Variants in ZNF257 observed in about 807,000 individuals in gnomAD.
ZNF257 encodes bone marrow zinc finger 4.
A neutral mutation model predicts 11.9 loss-of-function variants in ZNF257; 12 were observed. That is an observed-to-expected ratio of 1.01 (90% CI 0.65 to 1.63). The LOEUF (loss-of-function observed/expected upper bound fraction) is 1.63, where lower values mean the gene tolerates loss of function less well. ZNF257 is among the 40% of genes most tolerant of loss of function. The probability of loss-of-function intolerance (pLI) is 0.00; values close to 1 mark genes in which losing one functional copy is unlikely to be tolerated. For synonymous variants in ZNF257, 183 were observed against 222.7 expected (o/e 0.82, Z 1.59); for missense variants, 580 against 665.5 (o/e 0.87, Z 1.41).
At chr19:22,086,406 TG>T (rs2022477014) in intron 3 of ZNF257, among the ~76,000 whole-genome samples, 1 of 152,132 alleles carries the variant, frequency 6.6e-6, no homozygotes, top group East Asian at 1.9e-4. Flanking sequence ...CAATAATTTC[TG>T]TTCTTTTATT....
Position 22,089,532 on chromosome 19 carries a change from A to C in ZNF257, c.*90A>C, listed in dbSNP as rs758709951. 1.3e-6 allele frequency: 2 copies of C among 1,504,568 alleles called. No individual in the cohort carries two copies. The highest frequency in any genetic ancestry group is 1.8e-6 in the Non-Finnish European group (2 of 1,131,592). The allele number at this position is 1,504,568 out of a possible 1,614,324, so 93.2% of individuals were successfully genotyped here. A position where few individuals can be genotyped will look rare whatever the true frequency, so the allele number is the denominator to read the frequency against. Reference sequence around the variant, plus strand: ...AAACATAAGGGAATTCATAATAGAGAAACCCTACAAATGTGAAGAACGTGG... The same window carrying C: ...AAACATAAGGGAATTCATAATAGAGCAACCCTACAAATGTGAAGAACGTGG... On this transcript the variant is annotated 3_prime_UTR_variant, in exon 4 of 4. Transcript: ENST00000594947.
intron 3 of ZNF257, chr19:22,075,619 C>G (rs2022208254): frequency 6.6e-6 from 1 of 152,172 alleles, no homozygotes; most frequent in Non-Finnish European, 1.5e-5. Context: ...GTCCTGTAGC[C>G]AAGACCAGGG....
chr19:22,074,860 T>C (rs927639670), intron 3 of ZNF257, among the ~76,000 whole-genome samples: 1 of 152,004 alleles, frequency 6.6e-6, no homozygotes, highest in Non-Finnish European at 1.5e-5. Flanking sequence ...TTTTTACTTA[T>C]TTGTCTTCAG....
At chr19:22,084,140 C>CA (rs373804336) in intron 3 of ZNF257, among the ~76,000 whole-genome samples, 31,218 of 121,636 alleles carry the variant, frequency 0.26, 4,613 homozygotes, top group African/African-American at 0.47. Flanking sequence ...GACTTCATCT[C>CA]AAAAAAAAAA....
chr19:22,088,002 C>T lies in ZNF257; in HGVS notation c.252C>T (p.Asp84=). 6.5e-7 allele frequency: 1 copy of T among 1,531,244 alleles called. No individual in the cohort carries two copies. Among genetic ancestry groups the T allele is most frequent in the Non-Finnish European group, 8.8e-7 (1 of 1,137,588 alleles). The allele number at this position is 1,531,244 out of a possible 1,614,324, so 94.9% of individuals were successfully genotyped here. ...PPVMCSHIAE[D]LCPERDIKYF... ...TTATGTGTTCTCATATTGCTGAAGA[C>T]CTTTGCCCAGAGCGAGACATAAAAT... is the stretch of plus-strand genomic sequence containing the variant. Residue 84 remains aspartate (D), a synonymous_variant, in exon 4 of 4, where the codon GAC becomes GAT. Coordinates refer to ENST00000594947, the MANE Select transcript of ZNF257 (RefSeq NM_033468.4).
At chr19:22,086,153 T>C (rs1182174891) in intron 3 of ZNF257, among the ~76,000 whole-genome samples, 1 of 152,114 alleles carries the variant, frequency 6.6e-6, no homozygotes, top group African/African-American at 2.4e-5. Context: ...CCATTGTGTC[T>C]GTTTCATTTT....
At chr19:22,053,312 G>T (rs1356923041) in intron 1 of ZNF257, among the ~76,000 whole-genome samples, 1 of 137,046 alleles carries the variant, frequency 7.3e-6, no homozygotes, top group South Asian at 2.3e-4. Context: ...AGGTTGCAGT[G>T]AGCCGAGATG....
Position 22,088,357 on chromosome 19 carries a change from T to C in ZNF257, c.607T>C (p.Cys203Arg), listed in dbSNP as rs777156823. ...RIHIRENSHK[C>R]EECGKAFNQS... ...TCATATTAGAGAGAATTCCCACAAA[T>C]GTGAAGAATGTGGCAAAGCCTTTAA... Residue 203 changes from cysteine (C) to arginine (R), a missense_variant, in exon 4 of 4, where the codon TGT (cysteine) becomes CGT (arginine). By Grantham distance (180) the Cys-to-Arg change is radical. Transcript: ENST00000594947. 2 of 1,613,736 alleles carry C rather than the reference T, an allele frequency of 1.2e-6. No individual in the cohort carries two copies. The highest frequency in any genetic ancestry group is 2.2e-5 in the East Asian group (1 of 44,878).
At chr19:22,081,035 T>C (rs999343388) in intron 3 of ZNF257, among the ~76,000 whole-genome samples, 1 of 151,716 alleles carries the variant, frequency 6.6e-6, no homozygotes, top group Non-Finnish European at 1.5e-5. Context: ...CGTGCCACCA[T>C]GCTCGGCTAA....
Position 22,073,484 on chromosome 19 carries a change from A to C in ZNF257, c.146A>C (p.Lys49Thr). 1 of 1,611,528 alleles carries C rather than the reference A, an allele frequency of 6.2e-7. No homozygotes were observed. ...TAAAAAACAGGTATTGCTGTCTCTA[A>C]GCCAGACCTGATCACCTGTCTGGAG... The part of the protein sequence containing the change: ...NLVFLGIAVS[K>T]PDLITCLEQG... Residue 49 changes from lysine (K) to threonine (T), a missense_variant, in exon 3 of 4, where the codon AAG (lysine) becomes ACG (threonine). Lys to Thr is a moderately conservative substitution (Grantham distance 78). Coordinates refer to ENST00000594947, the MANE Select transcript of ZNF257 (RefSeq NM_033468.4).
rs780971566 is a variant in ZNF257 at position 22,089,327 on chromosome 19, G to A, written c.1577G>A (p.Arg526His). Residue 526 changes from arginine to histidine, a missense_variant, in exon 4 of 4, where the codon CGT becomes CAT. By Grantham distance (29) the Arg-to-His change is conservative (BLOSUM62 0). Coordinates refer to ENST00000594947, the MANE Select transcript of ZNF257 (RefSeq NM_033468.4). ...KCEECGKPFN[R>H]FSYLTVHKRI... ...GAAGAATGTGGCAAGCCTTTTAATC[G>A]TTTCTCATACCTTACCGTACATAAG... 32 of 1,612,700 alleles carry A rather than the reference G, an allele frequency of 2.0e-5. No homozygotes were observed. The highest frequency in any genetic ancestry group is 1.6e-4 in the Middle Eastern group (1 of 6,074).
chr19:22,058,168 G>T (rs1053103322), intron 1 of ZNF257, among the ~76,000 whole-genome samples: 1 of 152,128 alleles, frequency 6.6e-6, no homozygotes, highest in African/African-American at 2.4e-5. Flanking sequence ...AATGGAAAGG[G>T]TGTTTCTTTC....
intron 1 of ZNF257, among the ~76,000 whole-genome samples, chr19:22,062,503 A>G (rs577110344): frequency 7.0e-6 from 1 of 143,672 alleles, no homozygotes; most frequent in East Asian, 2.2e-4. Context: ...TTTTTTTGAG[A>G]CAGAGTTTCC....
At chr19:22,062,396 T>A (rs2021827329) in intron 1 of ZNF257, among the ~76,000 whole-genome samples, 1 of 151,798 alleles carries the variant, frequency 6.6e-6, no homozygotes, top group Non-Finnish European at 1.5e-5. Flanking sequence ...AGTGCTGGGA[T>A]TACAGGTGTG....
intron 1 of ZNF257, among the ~76,000 whole-genome samples, chr19:22,058,963 A>G (rs1214751968): frequency 1.3e-5 from 2 of 152,014 alleles, no homozygotes. Flanking sequence ...ACCCCTAGAC[A>G]CTGAATCTGC....
Position 22,089,783 on chromosome 19 carries a change from A to C in ZNF257, c.*341A>C, listed in dbSNP as rs1426641790. 2.2e-5 allele frequency: 7 copies of C among 322,374 alleles called. No individual in the cohort carries two copies. The highest frequency in any genetic ancestry group is 3.5e-5 in the Non-Finnish European group (6 of 171,808). The allele number at this position is 322,374 out of a possible 1,614,324, so 20.0% of individuals were successfully genotyped here. Reference sequence around the variant, plus strand: ...ATAATTTATACTGGACAGAAATCCTAAAGTGTGAAGAATGTCACAAAGCCC... The same window carrying C: ...ATAATTTATACTGGACAGAAATCCTCAAGTGTGAAGAATGTCACAAAGCCC... On this transcript the variant is annotated 3_prime_UTR_variant, in exon 4 of 4. Transcript: ENST00000594947.
chr19:22,073,617 G>T (rs941894560), intron 3 of ZNF257, 53 bp downstream of exon 3: 8 of 1,566,864 alleles, frequency 5.1e-6, no homozygotes, highest in Non-Finnish European at 6.9e-6. Flanking sequence ...GAGATCCACA[G>T]GTCAAGGAGA....
intron 3 of ZNF257, among the ~76,000 whole-genome samples, chr19:22,081,347 A>G (rs752718109): frequency 2.6e-5 from 4 of 151,888 alleles, no homozygotes; most frequent in African/African-American, 7.3e-5. Flanking sequence ...TACCATAATT[A>G]TGTCTACCAT....
intron 3 of ZNF257, among the ~76,000 whole-genome samples, chr19:22,078,162 C>T (rs991410151): frequency 2.0e-5 from 3 of 148,520 alleles, no homozygotes; most frequent in Non-Finnish European, 3.0e-5. Context: ...TGCTTGTACC[C>T]GGGAAATGAA....
Sources: gnomAD v4.1 joint callset for allele counts (sites outside exome capture counted in the v4.1 genomes callset) on GRCh38, gnomAD v4.1.1 for gene constraint, MANE v1.5 for transcripts, NCBI Gene and HGNC (gene_info 2026-07-23, HGNC 2026-07-21) for gene names.